Variants in CSMD1 observed in about 807,000 individuals in gnomAD.
CSMD1 encodes the protein CUB and sushi domain-containing protein 1.
Under a neutral mutation model 417.5 loss-of-function variants are expected in CSMD1, and 213 were observed. The ratio of observed to expected loss-of-function variants is 0.51; its 90% CI spans 0.46 to 0.57. The LOEUF is 0.57. Among genes scored for constraint, CSMD1 ranks in the 20% least tolerant of loss-of-function variants. The pLI is 0.00. For missense variants in CSMD1, 6,923 were observed against 4,529.7 expected, an observed-to-expected ratio of 1.53 and a Z score of -15.17; for synonymous variants, 2,862 against 1,736.8, an observed-to-expected ratio of 1.65 and a Z score of -16.11.
At chr8:3,457,037 T>TGTA in intron 12 of CSMD1, among the ~76,000 whole-genome samples, 1 of 151,954 alleles carries the variant, frequency 6.6e-6, no homozygotes, top group South Asian at 2.1e-4. Flanking sequence ...CCCCTTCACC[T>TGTA]GTACCCCTCA....
intron 1 of CSMD1, among the ~76,000 whole-genome samples, chr8:4,738,866 A>G (rs117811623): frequency 0.017 from 2,453 of 146,526 alleles, 36 homozygotes; most frequent in Middle Eastern, 0.055. Context: ...TTTAGGAACT[A>G]CATATAGTCA....
intron 2 of CSMD1, among the ~76,000 whole-genome samples, chr8:4,608,807 T>C (rs146606816): frequency 1.3e-5 from 2 of 152,336 alleles, no homozygotes; most frequent in African/African-American, 4.8e-5. Context: ...ATACACATGA[T>C]AAGCATGCTA....
At chr8:4,698,527 A>G (rs769583777) in intron 1 of CSMD1, among the ~76,000 whole-genome samples, 5 of 152,026 alleles carry the variant, frequency 3.3e-5, no homozygotes, top group Non-Finnish European at 7.4e-5. Context: ...AAGTCCACCT[A>G]CAGGGAAGTT....
intron 5 of CSMD1, among the ~76,000 whole-genome samples, chr8:3,948,314 G>C (rs1407145466): frequency 2.6e-5 from 4 of 152,254 alleles, no homozygotes; most frequent in Non-Finnish European, 1.5e-5. Context: ...CATTTGAAGA[G>C]TATAAGGGGC....
intron 2 of CSMD1, among the ~76,000 whole-genome samples, chr8:4,459,353 C>T (rs1307736431): frequency 6.6e-6 from 1 of 152,192 alleles, no homozygotes; most frequent in Non-Finnish European, 1.5e-5. Context: ...AAGCTCTCAC[C>T]TCAGACCCGT....
intron 2 of CSMD1, among the ~76,000 whole-genome samples, chr8:4,607,160 G>A (rs1039308474): frequency 9.9e-5 from 15 of 152,122 alleles, no homozygotes; most frequent in Non-Finnish European, 1.8e-4. Context: ...TTTAAAGCAC[G>A]ATCCTTGTAC....
chr8:4,071,056 T>C (rs1799529080), intron 3 of CSMD1, among the ~76,000 whole-genome samples: 1 of 152,218 alleles, frequency 6.6e-6, no homozygotes, highest in South Asian at 2.1e-4. Flanking sequence ...AGTTTGGCTG[T>C]GGTGTACATG....
rs934637554 is a variant in CSMD1 at position 3,401,217 on chromosome 8, A to C, written c.2267-1688T>G. Among the ~76,000 whole-genome samples, 6 of 152,096 alleles carry C rather than the reference A, an allele frequency of 3.9e-5. No individual in the cohort carries two copies. The South Asian group carries it at 1.2e-3, about 31-fold the overall frequency. On this transcript the variant is annotated intron_variant, in intron 15 of 69. Coordinates refer to ENST00000635120, the MANE Select transcript of CSMD1 (RefSeq NM_033225.6). ...ATGGCAGATGCAGAATTCCAAAAAA[A>C]TTATGATAGTTGAGCAATTTCTAAA...
At chr8:4,383,403 G>C (rs7001908) in intron 3 of CSMD1, among the ~76,000 whole-genome samples, 62,789 of 151,958 alleles carry the variant, frequency 0.41, 13,993 homozygotes, top group African/African-American at 0.6. Flanking sequence ...TTTACTACAT[G>C]CCTTGCCTCA....
intron 1 of CSMD1, among the ~76,000 whole-genome samples, chr8:4,865,199 G>A (rs1448766228): frequency 6.6e-6 from 1 of 151,650 alleles, no homozygotes; most frequent in Non-Finnish European, 1.5e-5. Context: ...TCATTCTCAT[G>A]CATAATGATA....
intron 7 of CSMD1, among the ~76,000 whole-genome samples, chr8:3,634,549 A>G (rs974815610): frequency 6.6e-6 from 1 of 151,962 alleles, no homozygotes; most frequent in African/African-American, 2.4e-5. Flanking sequence ...TTTTGCCTTT[A>G]AACTGTCTCT....
In CSMD1 at chr8:3,500,938, G is replaced by T. The variant is rs915184087; in HGVS notation, c.1345-7212C>A. On this transcript the variant is annotated intron_variant, in intron 10 of 69. Coordinates refer to ENST00000635120, the MANE Select transcript of CSMD1 (RefSeq NM_033225.6). ...ATTTTTTCTTTTAATGGAGAATATTGCAAGAGAATAAGAATGATTCAATAA... is the reference window on the plus strand; with the variant it reads ...ATTTTTTCTTTTAATGGAGAATATTTCAAGAGAATAAGAATGATTCAATAA... 3.3e-5 allele frequency among the ~76,000 whole-genome samples: 5 copies of T among 152,102 alleles called. No homozygotes were observed. In the East Asian group the frequency reaches 5.8e-4, roughly 18 times the overall value.
chr8:4,300,905 G>A (rs550911616), intron 3 of CSMD1, among the ~76,000 whole-genome samples: 24 of 152,250 alleles, frequency 1.6e-4, no homozygotes, highest in African/African-American at 5.5e-4. Flanking sequence ...TGGTGTATAT[G>A]TGCCACATTT....
chr8:4,864,367 C>T lies in CSMD1; in HGVS notation c.85+129965G>A, dbSNP rs545639853. Reference sequence around the variant, plus strand: ...AATGAAAACAAAAAACAAGTAATTACGTAAAAATGTATTTGTCTTTCAATG... The same window carrying T: ...AATGAAAACAAAAAACAAGTAATTATGTAAAAATGTATTTGTCTTTCAATG... On this transcript the variant is annotated intron_variant, in intron 1 of 69. Transcript: ENST00000635120. Among the ~76,000 whole-genome samples, 84 of 151,840 alleles carry T rather than the reference C, an allele frequency of 5.5e-4. 2 individuals are homozygous for T. Among genetic ancestry groups the T allele is most frequent in the Admixed American group, 4.4e-3 (67 of 15,268 alleles).
chr8:3,136,682 G>C (rs971565255), intron 41 of CSMD1, among the ~76,000 whole-genome samples: 1 of 152,138 alleles, frequency 6.6e-6, no homozygotes, highest in African/African-American at 2.4e-5. Context: ...ACTCAGAGCT[G>C]TTTGCACACA....
intron 2 of CSMD1, among the ~76,000 whole-genome samples, chr8:4,610,315 T>A (rs1457239030): frequency 6.6e-6 from 1 of 152,214 alleles, no homozygotes; most frequent in Non-Finnish European, 1.5e-5. Flanking sequence ...CCTCTAGTAT[T>A]AAATTCAACA....
intron 1 of CSMD1, among the ~76,000 whole-genome samples, chr8:4,855,516 A>G (rs1443104398): frequency 6.6e-6 from 1 of 152,116 alleles, no homozygotes; most frequent in African/African-American, 2.4e-5. Context: ...AAAACTTTGA[A>G]AAAAATTTAG....
chr8:3,638,755 GACCAAAC>G (rs1308312013), intron 7 of CSMD1, among the ~76,000 whole-genome samples: 2 of 152,118 alleles, frequency 1.3e-5, no homozygotes, highest in Non-Finnish European at 2.9e-5. Context: ...AGGACCCACA[GACCAAAC>G]ATACCAAGAG....
intron 5 of CSMD1, among the ~76,000 whole-genome samples, chr8:3,902,114 G>A (rs906991121): frequency 2.0e-5 from 3 of 152,102 alleles, no homozygotes; most frequent in Non-Finnish European, 4.4e-5. Flanking sequence ...ACATTGCTAA[G>A]CCTTAATATG....
Sources: allele counts gnomAD v4.1 joint callset (sites outside exome capture counted in the v4.1 genomes callset), GRCh38; gene constraint gnomAD v4.1.1; transcripts MANE v1.5; gene names NCBI Gene and HGNC (gene_info 2026-07-23, HGNC 2026-07-21).